SLC38A6: variants seen among roughly 807,000 people sequenced by gnomAD.
SLC38A6 encodes the protein N system amino acid transporter NAT-1.
A neutral mutation model predicts 65.0 loss-of-function variants in SLC38A6; 73 were observed. The observed-to-expected ratio is 1.12, with a 90% CI of 0.93 to 1.37. The LOEUF (loss-of-function observed/expected upper bound fraction) is 1.37. Among genes scored for constraint, SLC38A6 ranks in the 40% most tolerant of loss-of-function variants. SLC38A6 has a pLI of 0.00. For missense variants in SLC38A6, 561 were observed against 531.1 expected, an observed-to-expected ratio of 1.06 and a Z score of -0.55; for synonymous variants, 183 against 178.8, an observed-to-expected ratio of 1.02 and a Z score of -0.19.
chr14:61,082,969 G>C (rs1222060756), intron 16 of SLC38A6, among the ~76,000 whole-genome samples: 3 of 152,068 alleles, frequency 2.0e-5, no homozygotes, highest in Admixed American at 1.3e-4. Context: ...ACATATCCGG[G>C]AATAATTGAA....
chr14:60,992,863 T>TTG (rs1022069315), intron 3 of SLC38A6, among the ~76,000 whole-genome samples: 4 of 151,616 alleles, frequency 2.6e-5, no homozygotes, highest in Non-Finnish European at 5.9e-5. Flanking sequence ...TTTTTTTTTT[T>TTG]TTTTGAGGCA....
chr14:61,004,126 T>A (rs190911912), intron 3 of SLC38A6, among the ~76,000 whole-genome samples: 1 of 152,316 alleles, frequency 6.6e-6, no homozygotes. Context: ...GTTTTAATTT[T>A]TTAAATTAAA....
At chr14:61,025,978 C>T (rs890472067) in intron 5 of SLC38A6, among the ~76,000 whole-genome samples, 2 of 152,130 alleles carry the variant, frequency 1.3e-5, no homozygotes, top group African/African-American at 4.8e-5. Flanking sequence ...CTGAGTAATC[C>T]TTTAAGAATT....
At chr14:60,989,565 A>G (rs1036721017) in intron 3 of SLC38A6, among the ~76,000 whole-genome samples, 1 of 152,110 alleles carries the variant, frequency 6.6e-6, no homozygotes, top group African/African-American at 2.4e-5. Flanking sequence ...CTCTACAAAA[A>G]AAAATACAAA....
intron 3 of SLC38A6, among the ~76,000 whole-genome samples, chr14:61,000,879 A>G (rs182117977): frequency 5.3e-5 from 8 of 152,206 alleles, no homozygotes; most frequent in African/African-American, 1.9e-4. Context: ...CTGAAAGGCA[A>G]TAGATATGTT....
chr14:61,035,566 C>G (rs999122099), intron 6 of SLC38A6, among the ~76,000 whole-genome samples: 3 of 152,078 alleles, frequency 2.0e-5, no homozygotes, highest in East Asian at 3.8e-4. Flanking sequence ...ATTGCTCTTG[C>G]TACATATAAT....
chr14:61,080,709 G>A (rs1049600802), intron 16 of SLC38A6, among the ~76,000 whole-genome samples: 3 of 152,204 alleles, frequency 2.0e-5, no homozygotes, highest in East Asian at 1.9e-4. Context: ...AGGCCCAGTC[G>A]GGTGGGTGTG....
intron 3 of SLC38A6, among the ~76,000 whole-genome samples, chr14:61,003,564 C>T (rs189882817): frequency 6.2e-4 from 94 of 152,166 alleles, no homozygotes; most frequent in African/African-American, 2.2e-3. Context: ...CAGTCAATAC[C>T]AGTTTACACT....
chr14:61,081,322 T>C (rs2043637930), intron 16 of SLC38A6, among the ~76,000 whole-genome samples: 1 of 92,568 alleles, frequency 1.1e-5, no homozygotes, highest in Admixed American at 1.0e-4. Flanking sequence ...GACCAGTGCT[T>C]TGGGTCATTG....
intron 2 of SLC38A6, 89 bp from the exon 3 acceptor site, chr14:60,984,641 G>T: frequency 2.1e-6 from 2 of 973,586 alleles, no homozygotes; most frequent in South Asian, 2.6e-5. Context: ...GTGAATATTT[G>T]ACTGTTAAGC....
intron 15 of SLC38A6, among the ~76,000 whole-genome samples, chr14:61,077,777 T>C (rs1473337026): frequency 6.6e-6 from 1 of 152,078 alleles, no homozygotes; most frequent in Non-Finnish European, 1.5e-5. Context: ...AATTTTTTTT[T>C]CTACTCAACT....
At position 61,050,662 on chromosome 14, in the gene SLC38A6, G is replaced by T. The variant is rs773507717; in HGVS notation, c.1050+26G>T. The T allele has an allele frequency of 4.8e-5, 72 of 1,504,164 alleles. No homozygotes were observed. In the African/African-American group the frequency reaches 9.0e-4, roughly 19 times the overall value. The allele number at this position is 1,504,164 out of a possible 1,614,324, so 93.2% of individuals were successfully genotyped here. Reference sequence around the variant, plus strand: ...GTAAGTACTCTTAAAGGGTTTTGTTGCCTAGTATAGACGCTTCCTAATAGG... The same window carrying T: ...GTAAGTACTCTTAAAGGGTTTTGTTTCCTAGTATAGACGCTTCCTAATAGG... On this transcript the variant is annotated intron_variant, in intron 13 of 15. Transcript: ENST00000267488.
chr14:60,982,161 A>G (rs888178095), intron 1 of SLC38A6: 1 of 463,392 alleles, frequency 2.2e-6, no homozygotes, highest in East Asian at 6.8e-5. Context: ...GCAATTCTTT[A>G]GTAATCACAT....
At chr14:61,011,541 T>G (rs1414724611) in intron 3 of SLC38A6, among the ~76,000 whole-genome samples, 5 of 152,130 alleles carry the variant, frequency 3.3e-5, no homozygotes, top group Non-Finnish European at 7.4e-5. Context: ...TCTTATTATT[T>G]TGAGATACGT....
intron 15 of SLC38A6, among the ~76,000 whole-genome samples, chr14:61,061,468 C>A (rs1450907849): frequency 6.6e-6 from 1 of 152,104 alleles, no homozygotes; most frequent in East Asian, 1.9e-4. Context: ...TAAGAGGAGT[C>A]CCTCCTCCTC....
intron 15 of SLC38A6, among the ~76,000 whole-genome samples, chr14:61,076,618 A>G (rs2043428694): frequency 6.6e-6 from 1 of 152,198 alleles, no homozygotes; most frequent in Non-Finnish European, 1.5e-5. Flanking sequence ...GTTTTTTTCT[A>G]CAAAAAGGTT....
intron 4 of SLC38A6, among the ~76,000 whole-genome samples, chr14:61,016,395 C>G (rs547985276): frequency 2.0e-5 from 3 of 152,244 alleles, no homozygotes; most frequent in East Asian, 3.9e-4. Context: ...AACATTGCTA[C>G]AAGATTATCT....
chr14:61,030,017 A>C (rs2040856114), intron 5 of SLC38A6, among the ~76,000 whole-genome samples: 1 of 152,218 alleles, frequency 6.6e-6, no homozygotes, highest in Non-Finnish European at 1.5e-5. Context: ...AGGAACAGAT[A>C]ATCCAGTTAC....
intron 8 of SLC38A6, among the ~76,000 whole-genome samples, chr14:61,038,371 C>CCTTT (rs2041544317): frequency 1.3e-5 from 2 of 151,802 alleles, no homozygotes; most frequent in Admixed American, 6.6e-5. Context: ...AAAGATAGTA[C>CCTTT]CTTTGTGTGA....
Sources: allele counts gnomAD v4.1 joint callset (sites outside exome capture counted in the v4.1 genomes callset), GRCh38; gene constraint gnomAD v4.1.1; transcripts MANE v1.5; gene names NCBI Gene and HGNC (gene_info 2026-07-23, HGNC 2026-07-21).